Variants in FANCA observed in about 807,000 individuals in gnomAD.
FANCA encodes Fanconi anemia group A protein.
FANCA carries 236 observed loss-of-function variants against 194.3 expected under a neutral mutation model. The observed-to-expected ratio is 1.21, with a 90% CI of 1.09 to 1.35. The LOEUF (loss-of-function observed/expected upper bound fraction) is 1.35. Among genes scored for constraint, FANCA ranks in the 40% most tolerant of loss-of-function variants. FANCA has a pLI of 0.00. For synonymous variants in FANCA, 1,014 were observed against 715.8 expected (o/e 1.42, Z -6.65); for missense variants, 2,628 against 1,813.9 (o/e 1.45, Z -8.15).
chr16:89,812,736 A>G (rs1567655862), intron 3 of FANCA, among the ~76,000 whole-genome samples: 1 of 151,676 alleles, frequency 6.6e-6, no homozygotes, highest in African/African-American at 2.4e-5. Flanking sequence ...ATCAATACAT[A>G]AGTAAAAACA....
intron 26 of FANCA, 64 bp from the exon 27 acceptor site, chr16:89,767,301 T>C: frequency 8.5e-7 from 1 of 1,177,654 alleles, no homozygotes; most frequent in South Asian, 1.2e-5. Context: ...AGGAAAAAGT[T>C]ACTTTGAATT....
chr16:89,745,231 G>A (rs1221591867), intron 35 of FANCA, among the ~76,000 whole-genome samples, 160 bp from the exon 36 acceptor site: 1 of 152,218 alleles, frequency 6.6e-6, no homozygotes, highest in Non-Finnish European at 1.5e-5. Flanking sequence ...CGTCAATTAA[G>A]GCTCAAAGCA....
At chr16:89,778,464 TAAAAAA>T in intron 20 of FANCA, 8 of 203,198 alleles carry the variant, frequency 3.9e-5, no homozygotes, top group South Asian at 1.2e-4. Flanking sequence ...AGACTCCATC[TAAAAAA>T]AAAAAAAAAA....
Position 89,791,912 on chromosome 16 carries a change from C to G in FANCA, c.1225+15G>C. ...CACTCTTGACCAGCACCACCGGGCT[C>G]GCGTAAAAGCTCACCTTCAAGCAGC... is the stretch of plus-strand genomic sequence containing the variant. On this transcript the variant is annotated intron_variant, in intron 13 of 42. Coordinates refer to ENST00000389301, the MANE Select transcript of FANCA (RefSeq NM_000135.4). The G allele has an allele frequency of 6.2e-7, 1 of 1,614,030 alleles. No individual in the cohort carries two copies. The highest frequency in any genetic ancestry group is 8.5e-7 in the Non-Finnish European group (1 of 1,179,998).
chr16:89,798,877 G>A (rs544891277), intron 10 of FANCA: 99 of 1,566,722 alleles, frequency 6.3e-5, no homozygotes, highest in Non-Finnish European at 8.1e-5. Context: ...CCACACAGGA[G>A]GAGGTCACAG....
At chr16:89,778,200 C>A (rs1002296139) in intron 20 of FANCA, 1 of 147,406 alleles carries the variant, frequency 6.8e-6, no homozygotes, top group Non-Finnish European at 1.5e-5. Context: ...CGGTGGCTCA[C>A]ATCTGTAATC....
rs752139890 is a variant in FANCA at position 89,816,039 on chromosome 16, C to T, written c.80-53G>A. ...TCACAGCACAATTCACACACGGGGT[C>T]CCCGGCCCGACGCGCAGGTGGACGC... On this transcript the variant is annotated intron_variant, in intron 1 of 42. Coordinates refer to ENST00000389301, the MANE Select transcript of FANCA (RefSeq NM_000135.4). 2.8e-6 allele frequency: 4 copies of T among 1,412,852 alleles called. No homozygotes were observed. The Admixed American group carries it at 5.1e-5, about 18-fold the overall frequency. 87.5% of individuals were successfully genotyped at this position (1,412,852 alleles called of 1,614,324 possible). A position where few individuals can be genotyped will look rare whatever the true frequency, so the allele number is the denominator to read the frequency against.
chr16:89,798,429 T>A, intron 10 of FANCA: 1 of 1,084,492 alleles, frequency 9.2e-7, no homozygotes, highest in Non-Finnish European at 1.1e-6. Flanking sequence ...AATTGAGCAG[T>A]TAAACAGTTA....
intron 30 of FANCA, among the ~76,000 whole-genome samples, chr16:89,752,984 C>A (rs960699528): frequency 2.0e-5 from 3 of 152,228 alleles, no homozygotes; most frequent in Non-Finnish European, 2.9e-5. Flanking sequence ...CCGGAGGCCT[C>A]ACCGTCTCCC....
At chr16:89,740,700 G>A (rs931106231) in intron 38 of FANCA, 104 bp downstream of exon 38, 1 of 884,800 alleles carries the variant, frequency 1.1e-6, no homozygotes. Flanking sequence ...AACACAAGGA[G>A]CTCCTGAGCT....
At chr16:89,793,299 T>C (rs895195902) in intron 11 of FANCA, among the ~76,000 whole-genome samples, 3 of 152,178 alleles carry the variant, frequency 2.0e-5, no homozygotes, top group Admixed American at 1.3e-4. Flanking sequence ...AGGAGCCCTC[T>C]GGTGGCCCTG....
At chr16:89,779,029 C>A in intron 18 of FANCA, 26 bp from the exon 19 acceptor site, 1 of 1,610,810 alleles carries the variant, frequency 6.2e-7, no homozygotes, top group Non-Finnish European at 8.5e-7. Flanking sequence ...GCAGACAGTG[C>A]ATCAGTCAGA....
intron 10 of FANCA, chr16:89,798,905 G>T: frequency 6.3e-7 from 1 of 1,592,844 alleles, no homozygotes; most frequent in Non-Finnish European, 8.5e-7. Context: ...GACAAACATT[G>T]GTGCAGGACT....
At chr16:89,755,534 T>G (rs2038738631) in intron 30 of FANCA, among the ~76,000 whole-genome samples, 1 of 152,068 alleles carries the variant, frequency 6.6e-6, no homozygotes, top group Non-Finnish European at 1.5e-5. Flanking sequence ...TCAAAATGAA[T>G]CAAAATCCTA....
chr16:89,751,248 C>T (rs2038579278), intron 31 of FANCA, among the ~76,000 whole-genome samples: 1 of 152,010 alleles, frequency 6.6e-6, no homozygotes, highest in South Asian at 2.1e-4. Flanking sequence ...CGCCTGTAAT[C>T]CAACAATTTT....
At chr16:89,771,042 G>A (rs2039306422) in intron 23 of FANCA, among the ~76,000 whole-genome samples, 2 of 151,714 alleles carry the variant, frequency 1.3e-5, no homozygotes. Flanking sequence ...GTGTGCACCT[G>A]TAATCCCAGC....
rs187291615 is a variant in FANCA, at chr16:89,767,368, T to G, written c.2505-131A>C. The stretch of plus-strand genomic sequence containing the variant: ...GGATGGCCTGAGCATTGGTCCTTCG[T>G]TTTTTGGTTCGTTTGTTGTGAGACA... On this transcript the variant is annotated intron_variant, in intron 26 of 42. Coordinates refer to ENST00000389301, the MANE Select transcript of FANCA (RefSeq NM_000135.4). The G allele has an allele frequency of 2.2e-4, 159 of 711,420 alleles. 1 individual carries two copies. In the East Asian group the frequency reaches 4.4e-3, roughly 20 times the overall value. 44.1% of individuals were successfully genotyped at this position (711,420 alleles called of 1,614,324 possible).
intron 20 of FANCA, 194 bp downstream of exon 20, chr16:89,778,605 GGT>G (rs2039593715): frequency 1.1e-5 from 6 of 563,554 alleles, no homozygotes; most frequent in Non-Finnish European, 1.5e-5. Context: ...TCCAAGCCTG[GGT>G]GACAGAGTGA....
intron 33 of FANCA, 100 bp downstream of exon 33, chr16:89,748,559 G>T: frequency 1.1e-6 from 1 of 947,130 alleles, no homozygotes; most frequent in Non-Finnish European, 1.7e-6. Flanking sequence ...CCTTTCCTCA[G>T]TAATTCACAC....
Sources: allele counts gnomAD v4.1 joint callset (sites outside exome capture counted in the v4.1 genomes callset), GRCh38; gene constraint gnomAD v4.1.1; transcripts MANE v1.5; gene names NCBI Gene and HGNC (gene_info 2026-07-23, HGNC 2026-07-21).